The following NEGR1 variants were observed in gnomAD, a reference collection of about 807,000 sequenced individuals.
NEGR1 encodes the protein neuronal growth regulator 1, also known as IgLON family member 4.
A neutral mutation model predicts 40.9 loss-of-function variants in NEGR1; 10 were observed. The observed-to-expected ratio is 0.24, with a 90% CI of 0.15 to 0.42. NEGR1 has a LOEUF of 0.42. Ranked by LOEUF, NEGR1 falls within the 10% of genes least tolerant of loss-of-function variation. The probability of loss-of-function intolerance (pLI) is 1.00; values close to 1 mark genes in which losing one functional copy is unlikely to be tolerated. For missense variants in NEGR1, 352 were observed against 438.9 expected, an observed-to-expected ratio of 0.80 and a Z score of 1.77; for synonymous variants, 185 against 166.8, an observed-to-expected ratio of 1.11 and a Z score of -0.84.
chr1:71,603,927 G>A (rs1649998731), intron 5 of NEGR1, among the ~76,000 whole-genome samples: 1 of 152,122 alleles, frequency 6.6e-6, no homozygotes, highest in East Asian at 1.9e-4. Flanking sequence ...GCTGATCCCT[G>A]CTTTACCTCA....
intron 6 of NEGR1, among the ~76,000 whole-genome samples, chr1:71,446,591 G>T (rs1481609496): frequency 6.6e-6 from 1 of 152,146 alleles, no homozygotes; most frequent in African/African-American, 2.4e-5. Context: ...TGTTTAGTTA[G>T]ATTTTAATTA....
At chr1:71,595,956 G>C (rs988723127) in intron 5 of NEGR1, among the ~76,000 whole-genome samples, 1 of 149,144 alleles carries the variant, frequency 6.7e-6, no homozygotes, top group Non-Finnish European at 1.5e-5. Context: ...CTTTATTTCT[G>C]TAAAAAGAAT....
intron 1 of NEGR1, chr1:72,274,545 T>G: frequency 1.4e-6 from 1 of 735,592 alleles, no homozygotes. Context: ...TGTTTAAAAC[T>G]GATCCAATTA....
intron 1 of NEGR1, among the ~76,000 whole-genome samples, chr1:72,270,856 C>T (rs900551030): frequency 9.9e-5 from 15 of 151,784 alleles, no homozygotes; most frequent in African/African-American, 2.9e-4. Context: ...AGCTAAAACA[C>T]GTTTTAGTGT....
chr1:72,021,977 T>G (rs1646761846), intron 1 of NEGR1, among the ~76,000 whole-genome samples: 1 of 151,564 alleles, frequency 6.6e-6, no homozygotes, highest in Non-Finnish European at 1.5e-5. Context: ...CTACTAAAAA[T>G]ACAAAAAATT....
intron 6 of NEGR1, among the ~76,000 whole-genome samples, chr1:71,556,202 C>T (rs1483933296): frequency 6.6e-6 from 1 of 151,472 alleles, no homozygotes. Flanking sequence ...CTCTGTTTTG[C>T]AAGGAAATCT....
rs1313774445 is a variant in NEGR1, at chr1:71,894,145, C to T, written c.409+40934G>A. 5.9e-4 allele frequency among the ~76,000 whole-genome samples: 79 copies of T among 133,122 alleles called. 1 individual carries two copies. Among genetic ancestry groups the T allele is most frequent in the African/African-American group, 6.7e-4 (24 of 35,732 alleles). The allele number at this position is 133,122 out of a possible 152,430, so 87.3% of individuals were successfully genotyped here. ...CTAGATGACACGTTAGTGGGTGCAGCGCACCAGCATGGCACATGTATACAT... is the reference window on the plus strand; with the variant it reads ...CTAGATGACACGTTAGTGGGTGCAGTGCACCAGCATGGCACATGTATACAT... On this transcript the variant is annotated intron_variant, in intron 2 of 6. Transcript: ENST00000357731.
chr1:72,181,276 A>C (rs1470490431), intron 1 of NEGR1, among the ~76,000 whole-genome samples: 2 of 152,138 alleles, frequency 1.3e-5, no homozygotes, highest in Non-Finnish European at 2.9e-5. Flanking sequence ...CTGAAGCACA[A>C]GATAAGGTTG....
At chr1:72,229,641 A>T (rs1472836096) in intron 1 of NEGR1, among the ~76,000 whole-genome samples, 1 of 151,476 alleles carries the variant, frequency 6.6e-6, no homozygotes, top group East Asian at 1.9e-4. Flanking sequence ...TAATCAATAT[A>T]TCTTTCTATT....
rs1280806612 is a variant in NEGR1, at chr1:71,942,982, ATATGTG to A, written c.177-7677_177-7672del. Among the ~76,000 whole-genome samples the A allele has an allele frequency of 2.0e-3, 282 of 139,976 alleles. 1 individual carries two copies. Among genetic ancestry groups the A allele is most frequent in the African/African-American group, 6.9e-3 (264 of 38,322 alleles). The allele number at this position is 139,976 out of a possible 152,430, so 91.8% of individuals were successfully genotyped here. A position where few individuals can be genotyped will look rare whatever the true frequency, so the allele number is the denominator to read the frequency against. ...TTGTTTTATATATATATATAAGTAT[ATATGTG>A]TATATATATGTGTGTGTATATATAT... On this transcript the variant is annotated intron_variant, in intron 1 of 6. Coordinates refer to ENST00000357731, the MANE Select transcript of NEGR1 (RefSeq NM_173808.3).
intron 6 of NEGR1, among the ~76,000 whole-genome samples, chr1:71,504,221 A>T (rs796877211): frequency 9.2e-5 from 14 of 152,192 alleles, no homozygotes; most frequent in African/African-American, 3.1e-4. Flanking sequence ...CATTACAAAA[A>T]AATTACAAAA....
At chr1:71,732,526 G>A (rs908341676) in intron 3 of NEGR1, among the ~76,000 whole-genome samples, 3 of 152,022 alleles carry the variant, frequency 2.0e-5, no homozygotes, top group South Asian at 2.1e-4. Context: ...GTGTGCGCGC[G>A]CGCGCCAGCT....
At chr1:71,653,495 C>A (rs372050883) in intron 4 of NEGR1, among the ~76,000 whole-genome samples, 2 of 151,894 alleles carry the variant, frequency 1.3e-5, no homozygotes, top group African/African-American at 4.8e-5. Context: ...TTGCTTATTT[C>A]TTTGTATTAG....
intron 1 of NEGR1, among the ~76,000 whole-genome samples, chr1:72,247,432 C>A (rs546631976): frequency 2.6e-5 from 4 of 152,302 alleles, no homozygotes; most frequent in African/African-American, 9.6e-5. Flanking sequence ...ACATCTCAAA[C>A]CCTTTACTGC....
chr1:72,192,609 G>A (rs1652857689), intron 1 of NEGR1, among the ~76,000 whole-genome samples: 1 of 151,724 alleles, frequency 6.6e-6, no homozygotes, highest in Admixed American at 6.6e-5. Context: ...TGTATTTTTA[G>A]CAATGATTCA....
chr1:72,110,622 C>T (rs1161161071), intron 1 of NEGR1, among the ~76,000 whole-genome samples: 1 of 151,700 alleles, frequency 6.6e-6, no homozygotes, highest in African/African-American at 2.4e-5. Context: ...TCTAAAAGAG[C>T]TATGTAATTA....
intron 1 of NEGR1, among the ~76,000 whole-genome samples, chr1:71,949,425 C>T (rs533787948): frequency 1.3e-5 from 2 of 152,268 alleles, no homozygotes; most frequent in East Asian, 3.9e-4. Flanking sequence ...GTACAAGACT[C>T]TGGCTTATTT....
intron 2 of NEGR1, 24 bp downstream of exon 2, chr1:71,935,055 T>C (rs375041084): frequency 3.4e-4 from 454 of 1,337,052 alleles, no homozygotes; most frequent in Middle Eastern, 3.6e-4. Context: ...TCTTTCACAA[T>C]ATAGCAGTTC....
At chr1:72,233,346 A>C (rs1055903039) in intron 1 of NEGR1, among the ~76,000 whole-genome samples, 6 of 152,076 alleles carry the variant, frequency 3.9e-5, no homozygotes, top group African/African-American at 1.4e-4. Context: ...GTTTGTTTCA[A>C]GGTTATATTG....
Sources: allele counts gnomAD v4.1 joint callset (sites outside exome capture counted in the v4.1 genomes callset), GRCh38; gene constraint gnomAD v4.1.1; transcripts MANE v1.5; gene names NCBI Gene and HGNC (gene_info 2026-07-23, HGNC 2026-07-21).